Variants in SCYL3 observed in about 807,000 individuals in gnomAD.
The protein encoded by SCYL3 is SCY1 like pseudokinase 3.
In SCYL3, 35 loss-of-function variants were observed where a neutral mutation model predicts 73.8. The observed-to-expected ratio is 0.47, with a 90% CI of 0.36 to 0.63. The LOEUF is 0.63. Among genes scored for constraint, SCYL3 ranks in the 20% least tolerant of loss-of-function variants. The pLI is 0.00. For synonymous variants in SCYL3, 277 were observed against 295.2 expected (o/e 0.94, Z 0.63); for missense variants, 712 against 798.9 (o/e 0.89, Z 1.31).
At chr1:169,891,554 A>C (rs1057494157) in intron 1 of SCYL3, among the ~76,000 whole-genome samples, 1 of 152,258 alleles carries the variant, frequency 6.6e-6, no homozygotes, top group Admixed American at 6.5e-5. Context: ...AAGTATCTGA[A>C]GCTAGTCTGA....
chr1:169,871,482 T>C (rs1054449660), intron 5 of SCYL3, among the ~76,000 whole-genome samples: 1 of 152,192 alleles, frequency 6.6e-6, no homozygotes. Context: ...CAGTCTTGGG[T>C]ATGTCTTCAT....
Position 169,853,617 on chromosome 1 carries a change from C to CTT in SCYL3, c.*94_*95dup. Reference sequence around the variant, plus strand: ...CTCCTGGGATGGGAAAAGCAGGCCACTTTGGGGTTTTCTTGTCCCAAAGCC... The same window carrying CTT: ...CTCCTGGGATGGGAAAAGCAGGCCACTTTTTGGGGTTTTCTTGTCCCAAAGCC... On this transcript the variant is annotated 3_prime_UTR_variant, in exon 13 of 13. Coordinates refer to ENST00000367771, the MANE Select transcript of SCYL3 (RefSeq NM_020423.7). The CTT allele has an allele frequency of 7.5e-7, 1 of 1,335,136 alleles. No homozygotes were observed. Among genetic ancestry groups the CTT allele is most frequent in the Admixed American group, 1.8e-5 (1 of 56,440 alleles). The allele number at this position is 1,335,136 out of a possible 1,614,324, so 82.7% of individuals were successfully genotyped here.
At chr1:169,869,112 C>T (rs1010836545) in intron 6 of SCYL3, 73 bp from the exon 7 acceptor site, 4 of 1,274,824 alleles carry the variant, frequency 3.1e-6, no homozygotes, top group Non-Finnish European at 4.5e-6. Flanking sequence ...TGGAGACTGC[C>T]GAGAGCAAAA....
Position 169,864,403 on chromosome 1 carries a change from C to T in SCYL3, c.921G>A (p.Lys307=), listed in dbSNP as rs1659879612. The T allele has an allele frequency of 1.2e-6, 2 of 1,614,196 alleles. No individual in the cohort carries two copies. The highest frequency in any genetic ancestry group is 4.5e-5 in the East Asian group (2 of 44,886). Residue 307 remains lysine, a synonymous_variant, in exon 9 of 13, where the codon AAG becomes AAA. Transcript: ENST00000367771. ...QLVFAEPVAV[K]SFLPYLLGPK... ...GGCCAAGCAGATAAGGAAGAAAACT[C>T]TTAACAGCCACTGGCTCTGCAAACA...
At chr1:169,885,385 A>G (rs1455342612) in intron 2 of SCYL3, among the ~76,000 whole-genome samples, 1 of 152,150 alleles carries the variant, frequency 6.6e-6, no homozygotes, top group Admixed American at 6.5e-5. Flanking sequence ...CTGATTCGCT[A>G]TTTCACTTTG....
At chr1:169,858,807 T>C (rs1006689049) in intron 11 of SCYL3, among the ~76,000 whole-genome samples, 4 of 152,140 alleles carry the variant, frequency 2.6e-5, no homozygotes, top group African/African-American at 9.7e-5. Flanking sequence ...ATGTGGTACA[T>C]GACTCTCTAT....
rs1389822542 is a variant in SCYL3 at position 169,850,388 on chromosome 1, T to TC, written c.*3324_*3325insG. The stretch of plus-strand genomic sequence containing the variant: ...CTCATGTTTTATTCTTTGTCCTATT[T>TC]TTTTTTTTCCGAAATTATGTAACTG... On this transcript the variant is annotated 3_prime_UTR_variant, in exon 13 of 13. Coordinates refer to ENST00000367771, the MANE Select transcript of SCYL3 (RefSeq NM_020423.7). The TC allele has an allele frequency of 5.6e-6, 8 of 1,423,402 alleles. 1 individual carries two copies. In the Admixed American group the frequency reaches 1.0e-4, roughly 18 times the overall value. The allele number at this position is 1,423,402 out of a possible 1,614,324, so 88.2% of individuals were successfully genotyped here.
At chr1:169,877,598 GAGA>G (rs1660943816) in intron 3 of SCYL3, among the ~76,000 whole-genome samples, 1 of 152,144 alleles carries the variant, frequency 6.6e-6, no homozygotes, top group African/African-American at 2.4e-5. Context: ...AAAAATGAAA[GAGA>G]AGAAGTATAC....
At chr1:169,881,204 T>C (rs1289195539) in intron 2 of SCYL3, among the ~76,000 whole-genome samples, 1 of 152,234 alleles carries the variant, frequency 6.6e-6, no homozygotes, top group Non-Finnish European at 1.5e-5. Flanking sequence ...AGGCTGAAGA[T>C]ACCTACATTA....
intron 7 of SCYL3, among the ~76,000 whole-genome samples, chr1:169,868,529 G>A (rs1184439818): frequency 6.6e-6 from 1 of 152,108 alleles, no homozygotes. Flanking sequence ...CCATCCCCAT[G>A]AGAAAAACTG....
At chr1:169,868,545 T>C (rs1660190693) in intron 7 of SCYL3, among the ~76,000 whole-genome samples, 1 of 152,150 alleles carries the variant, frequency 6.6e-6, no homozygotes, top group Non-Finnish European at 1.5e-5. Context: ...AACTGAATAA[T>C]AATAAACTCA....
chr1:169,875,072 G>A (rs895981635), intron 4 of SCYL3, among the ~76,000 whole-genome samples: 14 of 152,168 alleles, frequency 9.2e-5, no homozygotes, highest in African/African-American at 2.7e-4. Flanking sequence ...TACACAAAAG[G>A]TAAATTCAGG....
intron 3 of SCYL3, 113 bp downstream of exon 3, chr1:169,878,521 C>T: frequency 1.1e-6 from 1 of 947,584 alleles, no homozygotes; most frequent in Non-Finnish European, 1.5e-6. Context: ...CTAATAATAA[C>T]ACTTAACTTA....
At chr1:169,857,048 T>TA (rs906015286) in intron 11 of SCYL3, among the ~76,000 whole-genome samples, 3 of 152,202 alleles carry the variant, frequency 2.0e-5, no homozygotes, top group African/African-American at 4.8e-5. Context: ...ACATTGTTGA[T>TA]AAAAAATTCT....
intron 2 of SCYL3, among the ~76,000 whole-genome samples, chr1:169,883,950 G>A (rs1442569020): frequency 6.6e-6 from 1 of 152,014 alleles, no homozygotes; most frequent in Admixed American, 6.5e-5. Context: ...TTGAACTCCT[G>A]ACCTTGTGAT....
At chr1:169,867,645 T>G (rs1660127662) in intron 7 of SCYL3, among the ~76,000 whole-genome samples, 1 of 152,246 alleles carries the variant, frequency 6.6e-6, no homozygotes, top group African/African-American at 2.4e-5. Context: ...ATACCTACTT[T>G]AGGCTTCCCC....
Position 169,852,787 on chromosome 1 carries a change from CAGCCTT to C in SCYL3, c.*920_*925del. ...TGTGATATTACTTATGTTTTTTTTC[CAGCCTT>C]ATGCAAAAAGAGCTCGTCAGGAGTT... On this transcript the variant is annotated 3_prime_UTR_variant, in exon 13 of 13. Transcript: ENST00000367771. 1 of 1,608,442 alleles carries C rather than the reference CAGCCTT, an allele frequency of 6.2e-7. No homozygotes were observed. The highest frequency in any genetic ancestry group is 8.5e-7 in the Non-Finnish European group (1 of 1,178,164).
chr1:169,871,743 T>C (rs1041718557), intron 5 of SCYL3, among the ~76,000 whole-genome samples: 8 of 152,150 alleles, frequency 5.3e-5, no homozygotes, highest in African/African-American at 7.2e-5. Flanking sequence ...TGGTCTCAGA[T>C]GGAGATGAGG....
In SCYL3 at chr1:169,876,098, A is replaced by G. The variant is rs1303521200; in HGVS notation, c.352-7T>C. 2.0e-6 allele frequency: 3 copies of G among 1,534,978 alleles called. No individual in the cohort carries two copies. Among genetic ancestry groups the G allele is most frequent in the Non-Finnish European group, 2.6e-6 (3 of 1,135,710 alleles). On this transcript the variant is annotated splice_polypyrimidine_tract_variant and splice_region_variant and intron_variant, in intron 3 of 12. Transcript: ENST00000367771. ...TATTGTGTGTTAGGTGTCCCTGGAA[A>G]AAAAAAAGAACAGAAGGAAGAGTGC...
Sources: allele counts gnomAD v4.1 joint callset (sites outside exome capture counted in the v4.1 genomes callset), GRCh38; gene constraint gnomAD v4.1.1; transcripts MANE v1.5; gene names NCBI Gene and HGNC (gene_info 2026-07-23, HGNC 2026-07-21).